The following SMOC1 variants were observed in gnomAD, a reference collection of about 807,000 sequenced individuals.
SMOC1 encodes the protein SPARC-related modular calcium-binding protein 1.
In SMOC1, 22 loss-of-function variants were observed where a neutral mutation model predicts 56.3. The observed-to-expected ratio is 0.39, with a 90% CI of 0.28 to 0.56. The LOEUF (loss-of-function observed/expected upper bound fraction) is 0.56, where lower values mean the gene tolerates loss of function less well. Ranked by LOEUF, SMOC1 falls within the 20% of genes least tolerant of loss-of-function variation. SMOC1 has a pLI of 0.61. For missense variants in SMOC1, 509 were observed against 565.4 expected, an observed-to-expected ratio of 0.90 and a Z score of 1.01; for synonymous variants, 193 against 215.0, an observed-to-expected ratio of 0.90 and a Z score of 0.89.
At chr14:69,915,865 C>T (rs1164654354) in intron 1 of SMOC1, among the ~76,000 whole-genome samples, 1 of 152,190 alleles carries the variant, frequency 6.6e-6, no homozygotes, top group Admixed American at 6.5e-5. Flanking sequence ...TATCTCCTGG[C>T]TCCCCCTCAT....
At chr14:70,029,619 G>A (rs1886064100) in intron 11 of SMOC1, among the ~76,000 whole-genome samples, 1 of 152,222 alleles carries the variant, frequency 6.6e-6, no homozygotes, top group Non-Finnish European at 1.5e-5. Context: ...GGAAGAAGGT[G>A]CCAGTTCTCT....
intron 5 of SMOC1, among the ~76,000 whole-genome samples, chr14:69,990,388 C>T (rs1884518176): frequency 6.6e-6 from 1 of 152,206 alleles, no homozygotes; most frequent in Non-Finnish European, 1.5e-5. Context: ...CTTGAGTTCT[C>T]ATTATCATCC....
intron 1 of SMOC1, among the ~76,000 whole-genome samples, chr14:69,922,900 C>T (rs903305569): frequency 6.6e-6 from 1 of 151,866 alleles, no homozygotes; most frequent in African/African-American, 2.4e-5. Flanking sequence ...TCTCTTCTCC[C>T]AGGGGTGGTC....
intron 1 of SMOC1, among the ~76,000 whole-genome samples, chr14:69,909,046 T>C (rs1340346573): frequency 6.6e-6 from 1 of 152,184 alleles, no homozygotes; most frequent in African/African-American, 2.4e-5. Context: ...ACTGTAGATT[T>C]ATCTCTTTGC....
At chr14:69,994,368 G>C in intron 6 of SMOC1, 32 bp from the exon 7 acceptor site, 1 of 1,566,180 alleles carries the variant, frequency 6.4e-7, no homozygotes, top group Non-Finnish European at 8.8e-7. Flanking sequence ...TCTTTGCCCA[G>C]ACTTTTTCTC....
intron 1 of SMOC1, among the ~76,000 whole-genome samples, chr14:69,899,725 C>T (rs184872611): frequency 6.6e-6 from 1 of 152,258 alleles, no homozygotes; most frequent in Non-Finnish European, 1.5e-5. Flanking sequence ...GTGGAAGTCC[C>T]CCTAAGTCTA....
intron 1 of SMOC1, among the ~76,000 whole-genome samples, chr14:69,891,433 A>C (rs750919179): frequency 5.9e-5 from 9 of 152,248 alleles, no homozygotes; most frequent in Non-Finnish European, 1.3e-4. Context: ...GGGTTTAAGA[A>C]CAAATATTAA....
At chr14:69,986,863 C>T (rs1033856804) in intron 5 of SMOC1, among the ~76,000 whole-genome samples, 3 of 152,194 alleles carry the variant, frequency 2.0e-5, no homozygotes, top group Non-Finnish European at 4.4e-5. Context: ...ACACTGACCT[C>T]CTGCTTTGGA....
At chr14:70,014,571 G>A (rs117477973) in intron 10 of SMOC1, among the ~76,000 whole-genome samples, 58 of 152,284 alleles carry the variant, frequency 3.8e-4, no homozygotes, top group Non-Finnish European at 7.8e-4. Context: ...GATGGAAGAG[G>A]TGGGCAGGAC....
chr14:69,957,293 G>A (rs992148404), intron 3 of SMOC1, among the ~76,000 whole-genome samples: 2 of 152,166 alleles, frequency 1.3e-5, no homozygotes, highest in African/African-American at 4.8e-5. Context: ...TTTATTGAGT[G>A]CTATCAGGTG....
rs764605455 is a variant in SMOC1 at position 70,010,795 on chromosome 14, G to C, written c.706G>C (p.Glu236Gln). 1 of 1,614,226 alleles carries C rather than the reference G, an allele frequency of 6.2e-7. No individual in the cohort carries two copies. The highest frequency in any genetic ancestry group is 1.1e-5 in the South Asian group (1 of 91,090). ...SCDQERQSALEEAQQNPREGI... is the reference protein window; with the variant it reads ...SCDQERQSALQEAQQNPREGI... ...TGACCAGGAGAGGCAGAGTGCCCTGGAAGAGGCCCAGCAGAATCCCCGTGA... is the reference window on the plus strand; with the variant it reads ...TGACCAGGAGAGGCAGAGTGCCCTGCAAGAGGCCCAGCAGAATCCCCGTGA... The change falls in exon 8 of 12, where the codon GAA becomes CAA. Residue 236 changes from glutamate (E) to glutamine (Q), a missense_variant. By Grantham distance (29) the Glu-to-Gln change is conservative. Around this residue, in one of 3 missense-constraint regions of SMOC1, gnomAD observed 315 missense variants for 333.1 expected, o/e 0.95. Coordinates refer to ENST00000361956, the MANE Select transcript of SMOC1 (RefSeq NM_001034852.3).
At chr14:69,904,352 C>T (rs1053735410) in intron 1 of SMOC1, among the ~76,000 whole-genome samples, 13 of 152,322 alleles carry the variant, frequency 8.5e-5, no homozygotes, top group Non-Finnish European at 1.9e-4. Context: ...AGCATGCATG[C>T]ATGTGTGAAT....
intron 1 of SMOC1, among the ~76,000 whole-genome samples, chr14:69,896,267 C>T (rs1227364141): frequency 1.3e-5 from 2 of 152,182 alleles, no homozygotes; most frequent in Admixed American, 1.3e-4. Context: ...TGCTTTCTTG[C>T]CTACCTAGAG....
chr14:70,021,956 A>G (rs762077), intron 10 of SMOC1, among the ~76,000 whole-genome samples: 2,367 of 152,308 alleles, frequency 0.016, 58 homozygotes, highest in African/African-American at 0.054. Context: ...TCCCTCTGGA[A>G]CAGTGAGCCC....
chr14:70,020,938 G>T (rs1355333770), intron 10 of SMOC1, among the ~76,000 whole-genome samples: 1 of 152,202 alleles, frequency 6.6e-6, no homozygotes, highest in Non-Finnish European at 1.5e-5. Flanking sequence ...GGACAGGCGG[G>T]AGCCCCAGAA....
intron 1 of SMOC1, among the ~76,000 whole-genome samples, chr14:69,927,406 C>T (rs147265473): frequency 2.6e-5 from 4 of 152,280 alleles, no homozygotes; most frequent in East Asian, 1.9e-4. Context: ...AGGAGCCGGG[C>T]GTGGTGGCTC....
intron 1 of SMOC1, among the ~76,000 whole-genome samples, chr14:69,920,992 ACTGC>A (rs1426541925): frequency 4.6e-5 from 7 of 152,258 alleles, no homozygotes; most frequent in Non-Finnish European, 1.0e-4. Context: ...GGGTGCAAAA[ACTGC>A]CTGGTCCCTC....
At chr14:69,923,146 A>G (rs1884896393) in intron 1 of SMOC1, among the ~76,000 whole-genome samples, 1 of 151,382 alleles carries the variant, frequency 6.6e-6, no homozygotes, top group Non-Finnish European at 1.5e-5. Context: ...GGGGTTTCAC[A>G]GTGTTAGCCA....
At chr14:69,968,124 T>C (rs1002533889) in intron 3 of SMOC1, among the ~76,000 whole-genome samples, 2 of 152,230 alleles carry the variant, frequency 1.3e-5, no homozygotes, top group African/African-American at 4.8e-5. Context: ...ACAAGGCCCC[T>C]TGTTCCCAAA....
Sources: gnomAD v4.1 joint callset for allele counts (sites outside exome capture counted in the v4.1 genomes callset) on GRCh38, gnomAD v4.1.1 for gene constraint, gnomAD v4.1.1 regional missense constraint, MANE v1.5 for transcripts, NCBI Gene and HGNC (gene_info 2026-07-23, HGNC 2026-07-21) for gene names.